Variants in KLHL4 observed in about 807,000 individuals in gnomAD.
KLHL4 encodes the protein kelch like family member 4, also known as kelch-like protein 4.
KLHL4 carries 17 observed loss-of-function variants against 45.8 expected under a neutral mutation model. That is an observed-to-expected ratio of 0.37 (90% confidence interval 0.25 to 0.56). The LOEUF (loss-of-function observed/expected upper bound fraction) is 0.56. KLHL4 is among the 20% of genes least tolerant of loss of function. The pLI is 0.79. For synonymous variants in KLHL4, 224 were observed against 189.9 expected (o/e 1.18, Z -1.47); for missense variants, 544 against 544.9 (o/e 1.00, Z 0.02).
At chrX:87,622,460 C>T in intron 5 of KLHL4, 37 bp downstream of exon 5, 1 of 926,353 alleles carries the variant, frequency 1.1e-6, no homozygotes, top group Non-Finnish European at 1.5e-6. Flanking sequence ...AAATATAGTT[C>T]TGAACTACCA....
chrX:87,659,075 C>G (rs1345138912), intron 9 of KLHL4, among the ~76,000 whole-genome samples: 1 of 106,130 alleles, frequency 9.4e-6, no homozygotes, highest in African/African-American at 3.4e-5. Flanking sequence ...GCCCATAAGT[C>G]CCTTAGGCTC....
intron 1 of KLHL4, among the ~76,000 whole-genome samples, chrX:87,532,215 C>T (rs1209178663): frequency 9.2e-6 from 1 of 109,061 alleles, no homozygotes; most frequent in African/African-American, 3.3e-5. Flanking sequence ...GCTTGTTTTT[C>T]TCAGGTTTGT....
chrX:87,566,248 A>G lies in KLHL4; in HGVS notation c.423-47629A>G, dbSNP rs148724163. ...CAGCTAGTTCCATAAAGCCAGCATT[A>G]TTATGTTAACAGACAAACAAAGATT... is the stretch of plus-strand genomic sequence containing the variant. On this transcript the variant is annotated intron_variant, in intron 1 of 10. Coordinates refer to ENST00000373119, the MANE Select transcript of KLHL4 (RefSeq NM_019117.5). Among the ~76,000 whole-genome samples, 34 of 111,401 alleles carry G rather than the reference A, an allele frequency of 3.1e-4. No individual in the cohort carries two copies. The East Asian group carries it at 9.4e-3, about 31-fold the overall frequency.
At chrX:87,633,306 G>T (rs1923158584) in intron 7 of KLHL4, among the ~76,000 whole-genome samples, 1 of 111,951 alleles carries the variant, frequency 8.9e-6, no homozygotes, top group African/African-American at 3.2e-5. Flanking sequence ...TTAGCTCACA[G>T]GAATCTTTTT....
intron 1 of KLHL4, among the ~76,000 whole-genome samples, chrX:87,535,589 G>GAA (rs1931410519): frequency 9.0e-6 from 1 of 110,906 alleles, no homozygotes; most frequent in African/African-American, 3.3e-5. Flanking sequence ...TAGCACCTGG[G>GAA]GGCTTCTCTA....
intron 1 of KLHL4, among the ~76,000 whole-genome samples, chrX:87,546,527 C>T (rs1304930008): frequency 8.9e-6 from 1 of 112,435 alleles, no homozygotes; most frequent in Non-Finnish European, 1.9e-5. Flanking sequence ...TCTGTCAGGG[C>T]AGTGCAAAGG....
At chrX:87,596,285 G>A (rs181718007) in intron 1 of KLHL4, among the ~76,000 whole-genome samples, 37 of 112,147 alleles carry the variant, frequency 3.3e-4, no homozygotes, top group African/African-American at 1.2e-3. Flanking sequence ...TGGACTAATA[G>A]AACATGCAAT....
At chrX:87,572,422 C>G (rs1435605756) in intron 1 of KLHL4, among the ~76,000 whole-genome samples, 1 of 110,810 alleles carries the variant, frequency 9.0e-6, no homozygotes, top group Non-Finnish European at 1.9e-5. Context: ...CTCTCTCTTT[C>G]TCTCTATTAA....
intron 9 of KLHL4, among the ~76,000 whole-genome samples, chrX:87,651,916 C>G (rs1373546012): frequency 8.9e-6 from 1 of 112,737 alleles, no homozygotes; most frequent in African/African-American, 3.2e-5. Flanking sequence ...CTGCACTGCC[C>G]TAGCAGAGGT....
chrX:87,611,659 C>CATTACTATACT (rs756607608), intron 1 of KLHL4, among the ~76,000 whole-genome samples: 1 of 101,541 alleles, frequency 9.8e-6, no homozygotes, highest in Non-Finnish European at 2.0e-5. Context: ...GGTTTAAGTA[C>CATTACTATACT]ATACTATACT....
intron 1 of KLHL4, among the ~76,000 whole-genome samples, chrX:87,535,187 C>T (rs1456173342): frequency 9.0e-6 from 1 of 111,554 alleles, no homozygotes; most frequent in Non-Finnish European, 1.9e-5. Context: ...TTTACAGATA[C>T]ATTAGCATTT....
intron 1 of KLHL4, among the ~76,000 whole-genome samples, chrX:87,596,792 CACAA>C (rs763790907): frequency 1.8e-5 from 2 of 112,296 alleles, no homozygotes; most frequent in South Asian, 7.3e-4. Flanking sequence ...AAAATTTGAA[CACAA>C]ACAGTCTCTT....
Position 87,669,437 on chromosome X carries a change from G to C in KLHL4, c.*2903G>C. 1 of 1,199,896 alleles carries C rather than the reference G, an allele frequency of 8.3e-7. No homozygotes were observed. The highest frequency in any genetic ancestry group is 1.8e-5 in the South Asian group (1 of 54,947). On this transcript the variant is annotated 3_prime_UTR_variant, in exon 11 of 11. Transcript: ENST00000373119. The stretch of plus-strand genomic sequence containing the variant: ...ACACAGCAATGACATTTATCAATCT[G>C]ACTCAGGTGTGGCTGTTGCCCCTTT...
intron 8 of KLHL4, 37 bp downstream of exon 8, chrX:87,633,948 G>T: frequency 8.9e-7 from 1 of 1,119,430 alleles, no homozygotes; most frequent in Non-Finnish European, 1.2e-6. Context: ...ATTGCTCCCA[G>T]GTCATATAGT....
At position 87,668,976 on chromosome X, in the gene KLHL4, T is replaced by C; in HGVS notation, c.*2442T>C. The C allele has an allele frequency of 1.3e-6, 1 of 774,069 alleles. No homozygotes were observed. The highest frequency in any genetic ancestry group is 2.2e-5 in the African/African-American group (1 of 44,542). 63.8% of individuals were successfully genotyped at this position (774,069 alleles called of 1,213,427 possible). A position where few individuals can be genotyped will look rare whatever the true frequency, so the allele number is the denominator to read the frequency against. On this transcript the variant is annotated 3_prime_UTR_variant, in exon 11 of 11. Transcript: ENST00000373119. ...CCAAAATCTGAGCAGATATGAGCCA[T>C]CAGAATAGAGACCTGCAGAGGCCCA...
intron 1 of KLHL4, among the ~76,000 whole-genome samples, chrX:87,567,474 C>T (rs746084552): frequency 1.8e-5 from 2 of 111,098 alleles, no homozygotes; most frequent in African/African-American, 3.3e-5. Context: ...TCTGGGTATA[C>T]GCCCACAGAA....
intron 1 of KLHL4, among the ~76,000 whole-genome samples, chrX:87,553,885 T>C (rs1290115390): frequency 9.1e-6 from 1 of 109,873 alleles, no homozygotes; most frequent in African/African-American, 3.3e-5. Context: ...CCATCTTGAA[T>C]TAATTTTGTA....
At position 87,667,472 on chromosome X, in the gene KLHL4, G is replaced by A. The variant is rs1924409727; in HGVS notation, c.*938G>A. Reference sequence around the variant, plus strand: ...GGATGTTACTCAGTGTTAACACATGGGAACACCAAAATATTCAATAAGCCT... The same window carrying A: ...GGATGTTACTCAGTGTTAACACATGAGAACACCAAAATATTCAATAAGCCT... On this transcript the variant is annotated 3_prime_UTR_variant, in exon 11 of 11. Coordinates refer to ENST00000373119, the MANE Select transcript of KLHL4 (RefSeq NM_019117.5). 1.4e-6 allele frequency: 1 copy of A among 723,789 alleles called. No homozygotes were observed. The highest frequency in any genetic ancestry group is 1.6e-6 in the Non-Finnish European group (1 of 612,215). The allele number at this position is 723,789 out of a possible 1,213,427, so 59.6% of individuals were successfully genotyped here.
rs111256308 is a variant in KLHL4 at position 87,595,048 on chromosome X, T to C, written c.423-18829T>C. 7.5e-3 allele frequency among the ~76,000 whole-genome samples: 816 copies of C among 109,521 alleles called. 8 individuals are homozygous for C. The highest frequency in any genetic ancestry group is 0.026 in the African/African-American group (773 of 30,093). On this transcript the variant is annotated intron_variant, in intron 1 of 10. Coordinates refer to ENST00000373119, the MANE Select transcript of KLHL4 (RefSeq NM_019117.5). Reference sequence around the variant, plus strand: ...TTTTTTTTTTATTATACTTTAAGTTTTAGGGTACACGTGCACAACGTGCAG... The same window carrying C: ...TTTTTTTTTTATTATACTTTAAGTTCTAGGGTACACGTGCACAACGTGCAG...
Sources: gnomAD v4.1 joint callset for allele counts (sites outside exome capture counted in the v4.1 genomes callset) on GRCh38, gnomAD v4.1.1 for gene constraint, MANE v1.5 for transcripts, NCBI Gene and HGNC (gene_info 2026-07-23, HGNC 2026-07-21) for gene names.